SLC19A1: variants seen among roughly 807,000 people sequenced by gnomAD.
SLC19A1 encodes the protein solute carrier family 19 member 1, also known as reduced folate transporter.
Under a neutral mutation model 35.3 loss-of-function variants are expected in SLC19A1, and 37 were observed. That is an observed-to-expected ratio of 1.05 (90% confidence interval 0.81 to 1.38). The LOEUF (loss-of-function observed/expected upper bound fraction) is 1.38. Ranked by LOEUF, SLC19A1 falls within the 40% of genes most tolerant of loss-of-function variation. SLC19A1 has a pLI of 0.00. For missense variants in SLC19A1, 831 were observed against 826.9 expected (o/e 1.00, Z -0.06); for synonymous variants, 460 against 398.5 (o/e 1.15, Z -1.84).
chr21:45,531,358 G>C (rs770575818), intron 3 of SLC19A1, 31 bp downstream of exon 3: 4 of 1,542,076 alleles, frequency 2.6e-6, no homozygotes, highest in Non-Finnish European at 2.6e-6. Context: ...GCCTCTGCGG[G>C]AAGAAGCCTC....
In SLC19A1 at chr21:45,533,370, G is replaced by A. The variant is rs919280312; in HGVS notation, c.190-1222C>T. 2.0e-5 allele frequency among the ~76,000 whole-genome samples: 3 copies of A among 152,162 alleles called. No homozygotes were observed. The highest frequency in any genetic ancestry group is 2.9e-5 in the Non-Finnish European group (2 of 67,998). ...AGACTACTACAGGCAGGCACCAAACGTCCTCAGCTGTCTTGGCAGGGGCCA... is the reference window on the plus strand; with the variant it reads ...AGACTACTACAGGCAGGCACCAAACATCCTCAGCTGTCTTGGCAGGGGCCA... On this transcript the variant is annotated intron_variant, in intron 2 of 5. Transcript: ENST00000311124. This position sits in a 1 kb window ranked among gnomAD's most constrained non-coding sequence, Gnocchi z 4.5.
At chr21:45,523,985 C>T (rs1031333458) in intron 5 of SLC19A1, among the ~76,000 whole-genome samples, 4 of 152,198 alleles carry the variant, frequency 2.6e-5, no homozygotes, top group African/African-American at 4.8e-5. Flanking sequence ...GAGACCAGCC[C>T]GGCCACCAGG....
chr21:45,534,620 G>T lies in SLC19A1; in HGVS notation c.190-2472C>A, dbSNP rs78343903. ...CTGGGGCCTCATCAGGCACCTCCTG[G>T]TCTTAGTTGAGGGTCTGAGCGCAGA... On this transcript the variant is annotated intron_variant, in intron 2 of 5. Coordinates refer to ENST00000311124, the MANE Select transcript of SLC19A1 (RefSeq NM_194255.4). This position sits in a 1 kb window ranked among gnomAD's most constrained non-coding sequence, Gnocchi z 4.2. The T allele has an allele frequency of 7.8e-4, 1,194 of 1,535,426 alleles. 4 individuals are homozygous for T. In the African/African-American group the frequency reaches 0.014, roughly 18 times the overall value.
Position 45,534,481 on chromosome 21 carries a change from C to A in SLC19A1, c.190-2333G>T. 1 of 1,356,646 alleles carries A rather than the reference C, an allele frequency of 7.4e-7. No individual in the cohort carries two copies. The highest frequency in any genetic ancestry group is 1.0e-6 in the Non-Finnish European group (1 of 984,300). The allele number at this position is 1,356,646 out of a possible 1,614,324, so 84.0% of individuals were successfully genotyped here. A position where few individuals can be genotyped will look rare whatever the true frequency, so the allele number is the denominator to read the frequency against. ...TAGACAGCCAGCAGAGAGGCTCTCC[C>A]CAGACCCCACGGCTCTCTGGAAAAG... On this transcript the variant is annotated intron_variant, in intron 2 of 5. Transcript: ENST00000311124. The surrounding 1 kb of genome is among the most constrained non-coding windows in gnomAD (Gnocchi z 4.2).
At chr21:45,505,596 G>A (rs1274296651) in intron 3 of SLC19A1, among the ~76,000 whole-genome samples, 2 of 152,118 alleles carry the variant, frequency 1.3e-5, no homozygotes, top group African/African-American at 2.4e-5. Context: ...GGGGAATCAG[G>A]TGGACCCAGG....
In SLC19A1 at chr21:45,515,882, G is replaced by C. The variant is rs1021564209; in HGVS notation, c.1552C>G (p.Gln518Glu). ...LGAVGPASLE[Q>E]RQSDPYLAQA... ...GCCAGGTATGGGTCGCTCTGTCTCT[G>C]CTCCAGGGAGGCTGGCCCCACAGCC... The change falls in exon 6 of 6, where the codon CAG becomes GAG. Residue 518 changes from glutamine (Q) to glutamate (E), a missense_variant. Physicochemically the swap from Gln to Glu is conservative, Grantham distance 29. Transcript: ENST00000311124. 6.4e-7 allele frequency: 1 copy of C among 1,568,520 alleles called. No individual in the cohort carries two copies. The highest frequency in any genetic ancestry group is 8.6e-7 in the Non-Finnish European group (1 of 1,157,266).
rs368917550 is a variant in SLC19A1, at chr21:45,531,622, C to T, written c.716G>A (p.Gly239Glu). 1.4e-4 allele frequency: 228 copies of T among 1,612,126 alleles called. No homozygotes were observed. Among genetic ancestry groups the T allele is most frequent in the Non-Finnish European group, 3.3e-5 (39 of 1,179,756 alleles). ...RMNPGPGGKLGHALRVACGDS... is the reference protein window; with the variant it reads ...RMNPGPGGKLEHALRVACGDS... The stretch of plus-strand genomic sequence containing the variant: ...CCCACAGGCCACCCGCAGGGCGTGT[C>T]CCAGCTTCCCGCCTGGGCCAGGATT... Residue 239 changes from glycine to glutamate, a missense_variant, in exon 3 of 6, where the codon GGA becomes GAA. Gly to Glu is a moderately conservative substitution (Grantham distance 98). Transcript: ENST00000311124.
At chr21:45,556,451 A>G (rs1183839100) in intron 1 of SLC19A1, among the ~76,000 whole-genome samples, 5 of 152,244 alleles carry the variant, frequency 3.3e-5, no homozygotes, top group African/African-American at 9.6e-5. Context: ...GGTGCTTCCA[A>G]CTTTTCAAGA....
downstream of SLC19A1, chr21:45,511,174 G>A (rs374321733): frequency 3.7e-5 from 59 of 1,600,942 alleles, no homozygotes; most frequent in African/African-American, 4.0e-4. Context: ...GCTGAAGCCC[G>A]GGGCACGCAT....
At chr21:45,560,770 T>G (rs569579946) in intron 1 of SLC19A1, among the ~76,000 whole-genome samples, 33 of 152,050 alleles carry the variant, frequency 2.2e-4, no homozygotes, top group Non-Finnish European at 3.8e-4. Flanking sequence ...AATGCTGGGC[T>G]GAGGCCAAAC....
At position 45,519,951 on chromosome 21, in the gene SLC19A1, A is replaced by T. The variant is rs532742972; in HGVS notation, c.1294-3811T>A. Among the ~76,000 whole-genome samples the T allele has an allele frequency of 2.6e-5, 4 of 152,334 alleles. No individual in the cohort carries two copies. The South Asian group carries it at 8.3e-4, about 32-fold the overall frequency. On this transcript the variant is annotated intron_variant, in intron 5 of 5. Coordinates refer to ENST00000311124, the MANE Select transcript of SLC19A1 (RefSeq NM_194255.4). ...TCCACAGTATATCAAAACAGATAATATTCTGGGTCATAAGACAAATCTTAA... is the reference window on the plus strand; with the variant it reads ...TCCACAGTATATCAAAACAGATAATTTTCTGGGTCATAAGACAAATCTTAA...
downstream of SLC19A1, among the ~76,000 whole-genome samples, chr21:45,508,145 A>G (rs2037339446): frequency 1.5e-5 from 2 of 131,312 alleles, no homozygotes; most frequent in African/African-American, 6.0e-5. Flanking sequence ...GTGGATGGAA[A>G]GGTGGGTGAG....
intron 1 of SLC19A1, among the ~76,000 whole-genome samples, chr21:45,560,069 C>A (rs564737172): frequency 5.9e-5 from 9 of 151,706 alleles, no homozygotes; most frequent in African/African-American, 2.0e-4. Flanking sequence ...ATGTAGGAAA[C>A]TGGCTCGTGC....
intron 2 of SLC19A1, among the ~76,000 whole-genome samples, chr21:45,532,916 G>A (rs993702009): frequency 2.8e-4 from 42 of 152,354 alleles, no homozygotes; most frequent in African/African-American, 1.0e-3. Context: ...GTTCGTGGGA[G>A]GGACTGTTCG....
chr21:45,556,055 G>A (rs532054524), intron 1 of SLC19A1, among the ~76,000 whole-genome samples: 27 of 152,324 alleles, frequency 1.8e-4, no homozygotes, highest in African/African-American at 6.3e-4. Context: ...TCAAAGCCGA[G>A]AACAGAAGCT....
intron 4 of SLC19A1, among the ~76,000 whole-genome samples, chr21:45,527,453 CCAGGCAGGGCGGGCCCTGG>C (rs1211321596): frequency 8.5e-6 from 1 of 118,116 alleles, no homozygotes; most frequent in Non-Finnish European, 1.7e-5. Context: ...TGAGTGGCAG[CCAGGCAGGGCGGGCCCTGG>C]AGGTGAGTGG....
chr21:45,556,994 G>A (rs754523333), intron 1 of SLC19A1, among the ~76,000 whole-genome samples: 3 of 152,172 alleles, frequency 2.0e-5, no homozygotes, highest in Non-Finnish European at 2.9e-5. Flanking sequence ...GCGCCTCAGA[G>A]GCCTGGCTAC....
intron 3 of SLC19A1, among the ~76,000 whole-genome samples, chr21:45,503,338 T>C (rs1313768736): frequency 6.6e-6 from 1 of 152,094 alleles, no homozygotes; most frequent in Non-Finnish European, 1.5e-5. Flanking sequence ...TGAGCATTTT[T>C]TCATGTGTTT....
At position 45,514,262 on chromosome 21, in the gene SLC19A1, C is replaced by CT. The variant is rs1555877857; in HGVS notation, c.*1395_*1396insA. On this transcript the variant is annotated 3_prime_UTR_variant, in exon 6 of 6. Coordinates refer to ENST00000311124, the MANE Select transcript of SLC19A1 (RefSeq NM_194255.4). ...CCAGGAAATGGCTGGTGCAGACCCCCCCCCAAGCAGGGTCCCCAGGGTGGC... is the reference window on the plus strand; with the variant it reads ...CCAGGAAATGGCTGGTGCAGACCCCCTCCCCAAGCAGGGTCCCCAGGGTGGC... 1 of 152,020 alleles carries CT rather than the reference C, an allele frequency of 6.6e-6. No homozygotes were observed. The highest frequency in any genetic ancestry group is 2.4e-5 in the African/African-American group (1 of 41,216). 9.4% of individuals were successfully genotyped at this position (152,020 alleles called of 1,614,324 possible).
Sources: allele counts gnomAD v4.1 joint callset (sites outside exome capture counted in the v4.1 genomes callset), GRCh38; gene constraint gnomAD v4.1.1; non-coding constraint Gnocchi (gnomAD v3.1); transcripts MANE v1.5; gene names NCBI Gene and HGNC (gene_info 2026-07-23, HGNC 2026-07-21).